Variants in ELF1 observed in about 807,000 individuals in gnomAD.
ELF1 encodes the protein E74 like ETS transcription factor 1.
ELF1 carries 24 observed loss-of-function variants against 59.9 expected under a neutral mutation model. The observed-to-expected ratio is 0.40, with a 90% CI of 0.29 to 0.56. The LOEUF is 0.56. Ranked by LOEUF, ELF1 falls within the 20% of genes least tolerant of loss-of-function variation. ELF1 has a pLI of 0.44. For synonymous variants in ELF1, 248 were observed against 266.2 expected (o/e 0.93, Z 0.67); for missense variants, 627 against 742.2 (o/e 0.84, Z 1.80).
chr13:40,978,688 C>G (rs9706581), intron 2 of ELF1, among the ~76,000 whole-genome samples: 6 of 151,222 alleles, frequency 4.0e-5, no homozygotes, highest in Middle Eastern at 3.4e-3. Context: ...AAAGAAAACT[C>G]TAATTGAAAA....
chr13:41,058,655 A>G (rs963828431), intron 1 of ELF1, among the ~76,000 whole-genome samples: 1 of 152,240 alleles, frequency 6.6e-6, no homozygotes, highest in African/African-American at 2.4e-5. Flanking sequence ...ACCATTTGGT[A>G]CAATGTTGTA....
chr13:40,999,689 G>C (rs1197829148), intron 1 of ELF1, among the ~76,000 whole-genome samples: 2 of 152,164 alleles, frequency 1.3e-5, no homozygotes, highest in African/African-American at 2.4e-5. Context: ...TCCACAGCTT[G>C]ACTGCTACAT....
intron 1 of ELF1, among the ~76,000 whole-genome samples, chr13:40,988,835 C>T (rs1873688782): frequency 6.6e-6 from 1 of 152,158 alleles, no homozygotes; most frequent in Non-Finnish European, 1.5e-5. Context: ...GAGTCTTGCT[C>T]TATCGCTTAG....
chr13:40,965,060 A>C (rs1310036961), intron 2 of ELF1, among the ~76,000 whole-genome samples: 1 of 152,204 alleles, frequency 6.6e-6, no homozygotes, highest in African/African-American at 2.4e-5. Flanking sequence ...TTTGGTTTTA[A>C]GTCTGTCATT....
chr13:40,996,055 G>A (rs1315341168), intron 1 of ELF1, among the ~76,000 whole-genome samples: 2 of 152,132 alleles, frequency 1.3e-5, no homozygotes, highest in Non-Finnish European at 2.9e-5. Flanking sequence ...ATACAGATTA[G>A]CATATGAAAA....
At chr13:40,987,092 C>G (rs573779151) in intron 1 of ELF1, among the ~76,000 whole-genome samples, 1 of 150,322 alleles carries the variant, frequency 6.7e-6, no homozygotes, top group Admixed American at 6.6e-5. Context: ...CCCGCCACCA[C>G]GCCCGGCTAA....
In ELF1 at chr13:41,011,026, C is replaced by A. The variant is rs1291252284; in HGVS notation, c.-229+8202G>T. Among the ~76,000 whole-genome samples the A allele has an allele frequency of 2.6e-5, 4 of 152,168 alleles. No homozygotes were observed. The East Asian group carries it at 7.7e-4, about 29-fold the overall frequency. Reference sequence around the variant, plus strand: ...TATATCTAGTTTATAATGACAACAACAAAAATCACTAAAGATTCAGAAATT... The same window carrying A: ...TATATCTAGTTTATAATGACAACAAAAAAAATCACTAAAGATTCAGAAATT... On this transcript the variant is annotated intron_variant, in intron 1 of 8. Transcript: ENST00000239882.
chr13:41,022,497 T>G (rs142226355), upstream of ELF1, among the ~76,000 whole-genome samples: 1,300 of 152,306 alleles, frequency 8.5e-3, 22 homozygotes, highest in African/African-American at 0.03. Context: ...ATATGACTTA[T>G]GTACATTGTC....
intron 7 of ELF1, 135 bp from the exon 8 acceptor site, chr13:40,941,505 C>A: frequency 1.3e-6 from 1 of 792,446 alleles, no homozygotes; most frequent in Admixed American, 2.9e-5. Context: ...AAATAAAGGG[C>A]TGTTATTTTA....
rs761874629 is a variant in ELF1 at position 40,940,650 on chromosome 13, A to G, written c.1256+271T>C. ...AAACCCTGGATTTTCTCCCATCTAGATAATTTCTTATATGTATCAATCCAG... is the reference window on the plus strand; with the variant it reads ...AAACCCTGGATTTTCTCCCATCTAGGTAATTTCTTATATGTATCAATCCAG... On this transcript the variant is annotated intron_variant, in intron 8 of 8. Coordinates refer to ENST00000239882, the MANE Select transcript of ELF1 (RefSeq NM_172373.4). Among the ~76,000 whole-genome samples the G allele has an allele frequency of 8.5e-5, 13 of 152,280 alleles. No individual in the cohort carries two copies. In the Middle Eastern group the frequency reaches 0.01, roughly 120 times the overall value.
intron 2 of ELF1, among the ~76,000 whole-genome samples, chr13:40,976,270 A>G (rs1215327252): frequency 6.6e-6 from 1 of 152,218 alleles, no homozygotes; most frequent in African/African-American, 2.4e-5. Flanking sequence ...CTGATAATGA[A>G]GTCAAGAGAA....
At chr13:40,978,863 C>A (rs980516092) in intron 2 of ELF1, among the ~76,000 whole-genome samples, 1 of 150,994 alleles carries the variant, frequency 6.6e-6, no homozygotes, top group South Asian at 2.1e-4. Flanking sequence ...GAAATTAATA[C>A]AGCTCCTCTT....
At chr13:40,954,419 A>G (rs1871064304) in intron 3 of ELF1, among the ~76,000 whole-genome samples, 2 of 68,218 alleles carry the variant, frequency 2.9e-5, no homozygotes, top group Non-Finnish European at 9.0e-5. Flanking sequence ...GAAAGTGTGT[A>G]GCTCTCCCTC....
Position 40,940,180 on chromosome 13 carries a change from T to C in ELF1, c.1256+741A>G, listed in dbSNP as rs186243661. 1.4e-4 allele frequency among the ~76,000 whole-genome samples: 21 copies of C among 152,202 alleles called. 1 individual carries two copies. The highest frequency in any genetic ancestry group is 1.2e-3 in the South Asian group (6 of 4,822). ...AAAGGGCTGCTAGATTTTATTATGGTTCATGTTCTAGAAATTCATGACAGT... is the reference window on the plus strand; with the variant it reads ...AAAGGGCTGCTAGATTTTATTATGGCTCATGTTCTAGAAATTCATGACAGT... On this transcript the variant is annotated intron_variant, in intron 8 of 8. Transcript: ENST00000239882.
intron 1 of ELF1, among the ~76,000 whole-genome samples, chr13:41,009,344 C>G (rs1874923352): frequency 6.6e-6 from 1 of 151,028 alleles, no homozygotes; most frequent in Admixed American, 6.6e-5. Flanking sequence ...ATTCAAATAT[C>G]CTTACAACTG....
chr13:41,042,491 A>C (rs1373406793), intron 1 of ELF1, among the ~76,000 whole-genome samples: 1 of 151,620 alleles, frequency 6.6e-6, no homozygotes, highest in East Asian at 1.9e-4. Context: ...CCAGTGTGTG[A>C]TGTTTCCCTT....
intron 1 of ELF1, among the ~76,000 whole-genome samples, chr13:41,009,731 GTC>G (rs1874942940): frequency 6.6e-6 from 1 of 152,088 alleles, no homozygotes; most frequent in African/African-American, 2.4e-5. Context: ...AAAGGTGACA[GTC>G]TATGATTTTT....
At chr13:40,967,524 T>A (rs74045621) in intron 2 of ELF1, among the ~76,000 whole-genome samples, 1 of 152,246 alleles carries the variant, frequency 6.6e-6, no homozygotes, top group Non-Finnish European at 1.5e-5. Context: ...AGCCCTTCAA[T>A]ATTTGATACG....
At chr13:41,022,855 G>A (rs531128590), upstream of ELF1, among the ~76,000 whole-genome samples, 32 of 152,212 alleles carry the variant, frequency 2.1e-4, no homozygotes, top group African/African-American at 7.7e-4. Flanking sequence ...CTCCAGCCTG[G>A]GTGACCAAGC....
Sources: allele counts gnomAD v4.1 joint callset (sites outside exome capture counted in the v4.1 genomes callset), GRCh38; gene constraint gnomAD v4.1.1; transcripts MANE v1.5; gene names NCBI Gene and HGNC (gene_info 2026-07-23, HGNC 2026-07-21).